Variants in PLCB1 observed in about 807,000 individuals in gnomAD.
PLCB1 encodes the protein 1-phosphatidylinositol 4,5-bisphosphate phosphodiesterase beta-1.
In PLCB1, 46 loss-of-function variants were observed where a neutral mutation model predicts 161.8. That is an observed-to-expected ratio of 0.28 (90% CI 0.22 to 0.36). The LOEUF (loss-of-function observed/expected upper bound fraction) is 0.36, where lower values mean the gene tolerates loss of function less well. Ranked by LOEUF, PLCB1 falls within the 10% of genes least tolerant of loss-of-function variation. The pLI is 1.00. For synonymous variants in PLCB1, 517 were observed against 503.7 expected (o/e 1.03, Z -0.35); for missense variants, 1,016 against 1,472.5 (o/e 0.69, Z 5.07).
intron 2 of PLCB1, among the ~76,000 whole-genome samples, chr20:8,358,180 C>T (rs1986424305): frequency 7.1e-6 from 1 of 141,642 alleles, no homozygotes; most frequent in Non-Finnish European, 1.5e-5. Flanking sequence ...AGCATACCTG[C>T]TTTCCTTGTA....
At chr20:8,255,874 A>G (rs1169956082) in intron 2 of PLCB1, among the ~76,000 whole-genome samples, 3 of 152,098 alleles carry the variant, frequency 2.0e-5, no homozygotes, top group Non-Finnish European at 4.4e-5. Context: ...GACGAACCAC[A>G]TATATGATGG....
At chr20:8,578,177 A>G (rs1017012939) in intron 3 of PLCB1, among the ~76,000 whole-genome samples, 1 of 152,198 alleles carries the variant, frequency 6.6e-6, no homozygotes, top group African/African-American at 2.4e-5. Flanking sequence ...TGTCTTTCAG[A>G]CACCAACCCA....
At chr20:8,539,639 T>TC (rs1279974165) in intron 3 of PLCB1, among the ~76,000 whole-genome samples, 17 of 86,072 alleles carry the variant, frequency 2.0e-4, no homozygotes, top group Admixed American at 5.7e-4. Flanking sequence ...TTTCTTTCTT[T>TC]CTTTCTTTCT....
intron 2 of PLCB1, among the ~76,000 whole-genome samples, chr20:8,243,567 C>T (rs114560758): frequency 0.023 from 3,506 of 151,958 alleles, 145 homozygotes; most frequent in African/African-American, 0.079. Context: ...ATAAATAGAA[C>T]CTTTAAAGAG....
In PLCB1 at chr20:8,313,618, A is replaced by G. The variant is rs981561963; in HGVS notation, c.178-57764A>G. ...AAATCTACCTTATACAAGAATATAC[A>G]TACATAGGAAATTTTATTAAGTGAA... On this transcript the variant is annotated intron_variant, in intron 2 of 31. Transcript: ENST00000338037. Among the ~76,000 whole-genome samples the G allele has an allele frequency of 3.3e-5, 5 of 152,292 alleles. No individual in the cohort carries two copies. The South Asian group carries it at 6.2e-4, about 19-fold the overall frequency.
intron 2 of PLCB1, among the ~76,000 whole-genome samples, chr20:8,279,566 C>A (rs1264857843): frequency 6.6e-6 from 1 of 152,150 alleles, no homozygotes; most frequent in Non-Finnish European, 1.5e-5. Context: ...CTTAATGCCA[C>A]TGAACTGTAT....
chr20:8,343,054 C>G (rs1189693189), intron 2 of PLCB1, among the ~76,000 whole-genome samples: 1 of 152,208 alleles, frequency 6.6e-6, no homozygotes, highest in African/African-American at 2.4e-5. Context: ...CTCCAGTCTG[C>G]ACCTCCTTCT....
At chr20:8,564,864 T>C (rs1454778254) in intron 3 of PLCB1, among the ~76,000 whole-genome samples, 1 of 152,146 alleles carries the variant, frequency 6.6e-6, no homozygotes, top group South Asian at 2.1e-4. Flanking sequence ...TGTGGACAAA[T>C]AGGAACAATT....
intron 9 of PLCB1, among the ~76,000 whole-genome samples, chr20:8,667,876 A>T (rs896477834): frequency 3.3e-5 from 5 of 152,036 alleles, no homozygotes; most frequent in African/African-American, 1.2e-4. Context: ...CTTTCCCCCT[A>T]GATGTGACCT....
intron 3 of PLCB1, among the ~76,000 whole-genome samples, chr20:8,417,980 T>C (rs986555886): frequency 4.5e-4 from 69 of 152,320 alleles, no homozygotes; most frequent in African/African-American, 1.6e-3. Flanking sequence ...TCTGCAGTCC[T>C]TTACCTCTGG....
intron 3 of PLCB1, among the ~76,000 whole-genome samples, chr20:8,551,381 T>C (rs1985770772): frequency 1.3e-5 from 2 of 152,230 alleles, no homozygotes; most frequent in South Asian, 2.1e-4. Flanking sequence ...CATTGATACT[T>C]ATTTTCTTTC....
chr20:8,695,239 T>C (rs1349640138), intron 10 of PLCB1, among the ~76,000 whole-genome samples: 1 of 152,216 alleles, frequency 6.6e-6, no homozygotes, highest in African/African-American at 2.4e-5. Flanking sequence ...GTCATCCTTT[T>C]GTTATGCTGG....
At chr20:8,634,780 C>A (rs1302713451) in intron 4 of PLCB1, among the ~76,000 whole-genome samples, 1 of 152,184 alleles carries the variant, frequency 6.6e-6, no homozygotes, top group African/African-American at 2.4e-5. Flanking sequence ...CCTCGCTGGG[C>A]ACTGAGGATT....
At chr20:8,492,748 A>T (rs972498273) in intron 3 of PLCB1, among the ~76,000 whole-genome samples, 3 of 152,008 alleles carry the variant, frequency 2.0e-5, no homozygotes, top group Non-Finnish European at 4.4e-5. Context: ...AAGCACAAAT[A>T]TTCCCAGAGG....
chr20:8,747,564 T>C (rs967989038), intron 23 of PLCB1, among the ~76,000 whole-genome samples: 2 of 152,334 alleles, frequency 1.3e-5, no homozygotes, highest in East Asian at 3.9e-4. Flanking sequence ...CTTTTTGTAT[T>C]GTCTGACTCA....
intron 3 of PLCB1, among the ~76,000 whole-genome samples, chr20:8,481,541 A>G (rs191285009): frequency 5.4e-4 from 83 of 152,362 alleles, no homozygotes; most frequent in African/African-American, 1.9e-3. Context: ...AATGCTTAAT[A>G]AACATTTTAA....
chr20:8,339,245 T>C (rs1985707931), intron 2 of PLCB1, among the ~76,000 whole-genome samples: 1 of 152,210 alleles, frequency 6.6e-6, no homozygotes, highest in Non-Finnish European at 1.5e-5. Flanking sequence ...TCTGTGTCAC[T>C]TTATATCTCA....
intron 31 of PLCB1, among the ~76,000 whole-genome samples, chr20:8,876,370 C>CA (rs1304514878): frequency 1.3e-5 from 2 of 152,124 alleles, no homozygotes; most frequent in Non-Finnish European, 2.9e-5. Flanking sequence ...AGAAAGGCTC[C>CA]AAGGCATAGC....
At chr20:8,316,111 G>C (rs1241584411) in intron 2 of PLCB1, among the ~76,000 whole-genome samples, 1 of 152,128 alleles carries the variant, frequency 6.6e-6, no homozygotes, top group Non-Finnish European at 1.5e-5. Context: ...GGCAGAGCTG[G>C]CTCCTTCCAT....
Sources: gnomAD v4.1 joint callset for allele counts (sites outside exome capture counted in the v4.1 genomes callset) on GRCh38, gnomAD v4.1.1 for gene constraint, MANE v1.5 for transcripts, NCBI Gene and HGNC (gene_info 2026-07-23, HGNC 2026-07-21) for gene names.